The following PRH1 variants were observed in gnomAD, a reference collection of about 807,000 sequenced individuals.
PRH1 encodes salivary acidic proline-rich phosphoprotein 1/2.
PRH1 carries 7 observed loss-of-function variants against 7.9 expected under a neutral mutation model. The ratio of observed to expected loss-of-function variants is 0.89; its 90% CI spans 0.50 to 1.67. The LOEUF is 1.67. Ranked by LOEUF, PRH1 falls within the 40% of genes most tolerant of loss-of-function variation. The pLI, the probability that PRH1 is intolerant of heterozygous loss-of-function variation, is 0.00. For missense variants in PRH1, 109 were observed against 223.6 expected (o/e 0.49, Z 3.27); for synonymous variants, 45 against 80.8 (o/e 0.56, Z 2.38).
intron 1 of PRH1, among the ~76,000 whole-genome samples, chr12:11,038,544 GTAT>G (rs1287370280): frequency 4.6e-5 from 7 of 152,128 alleles, no homozygotes; most frequent in Non-Finnish European, 8.8e-5. Flanking sequence ...TCTCATATCT[GTAT>G]TATTATTTAT....
chr12:11,040,979 C>CTTTT, intron 1 of PRH1, among the ~76,000 whole-genome samples: 1 of 151,856 alleles, frequency 6.6e-6, no homozygotes, highest in East Asian at 1.9e-4. Flanking sequence ...AAGCAAGAAA[C>CTTTT]TATATCATAT....
chr12:11,116,145 G>A (rs1279328934), downstream of PRH1, among the ~76,000 whole-genome samples: 21 of 151,748 alleles, frequency 1.4e-4, no homozygotes, highest in Admixed American at 1.3e-3. Flanking sequence ...ATTGACAAAC[G>A]TTCAGGCCGA....
intron 2 of PRH1, among the ~76,000 whole-genome samples, chr12:10,890,290 T>C (rs138251162): frequency 2.2e-3 from 329 of 152,182 alleles, no homozygotes; most frequent in African/African-American, 7.5e-3. Flanking sequence ...TTTTAAGTAT[T>C]TAATATCACA....
rs1327302981 is a variant in PRH1 at position 11,085,568 on chromosome 12, TCTGA to T, written n.124-38384_124-38381del. 1.0e-4 allele frequency among the ~76,000 whole-genome samples: 12 copies of T among 116,518 alleles called. 3 individuals are homozygous for T. The allele number at this position is 116,518 out of a possible 152,430, so 76.4% of individuals were successfully genotyped here. On this transcript the variant is annotated intron_variant and non_coding_transcript_variant, in intron 1 of 4. Transcript: ENST00000541977. ...TAATGTTCTGGTTCCTTTTAAATTCTCTGACTAATGTCAAAACGGAAAGCACCGG... is the reference window on the plus strand; with the variant it reads ...TAATGTTCTGGTTCCTTTTAAATTCTCTAATGTCAAAACGGAAAGCACCGG...
chr12:11,148,394 T>C (rs1247827305), intron 1 of PRH1, among the ~76,000 whole-genome samples: 3 of 149,120 alleles, frequency 2.0e-5, no homozygotes, highest in African/African-American at 7.3e-5. Flanking sequence ...TTCCAGTTTT[T>C]GCCCATTCAG....
At chr12:10,929,367 C>T (rs1950169233) in intron 2 of PRH1, 2 of 1,613,840 alleles carry the variant, frequency 1.2e-6, no homozygotes, top group Middle Eastern at 1.7e-4. Context: ...GATATTGTGA[C>T]TCTGATTGGG....
chr12:11,014,990 A>T (rs1013533776), intron 1 of PRH1, among the ~76,000 whole-genome samples: 1 of 152,158 alleles, frequency 6.6e-6, no homozygotes, highest in African/African-American at 2.4e-5. Flanking sequence ...AGGCAATTTC[A>T]CAATAAGTAA....
At chr12:10,921,206 G>T (rs1478489260) in intron 2 of PRH1, among the ~76,000 whole-genome samples, 2 of 151,752 alleles carry the variant, frequency 1.3e-5, no homozygotes. Flanking sequence ...AAATAAATGA[G>T]AATAAAACAT....
chr12:11,072,897 C>T (rs1240878048), intron 1 of PRH1, among the ~76,000 whole-genome samples: 1 of 151,490 alleles, frequency 6.6e-6, no homozygotes, highest in East Asian at 1.9e-4. Flanking sequence ...CTTCTGCTCT[C>T]AGTTTAATTT....
chr12:10,924,686 A>G (rs927153225), intron 2 of PRH1, among the ~76,000 whole-genome samples: 3 of 152,096 alleles, frequency 2.0e-5, no homozygotes, highest in African/African-American at 7.2e-5. Context: ...AGAGCCTGTT[A>G]GTGGTATACT....
intron 2 of PRH1, among the ~76,000 whole-genome samples, chr12:10,910,941 G>T (rs1283221112): frequency 6.6e-6 from 1 of 152,002 alleles, no homozygotes; most frequent in South Asian, 2.1e-4. Context: ...TTAATGATTT[G>T]CAAGTTTCAA....
chr12:10,977,759 T>C (rs1283116605), intron 1 of PRH1, among the ~76,000 whole-genome samples: 1 of 151,852 alleles, frequency 6.6e-6, no homozygotes, highest in Non-Finnish European at 1.5e-5. Flanking sequence ...TTCCTATATA[T>C]CAACAACATC....
intron 2 of PRH1, 140 bp from the exon 3 acceptor site, chr12:10,882,838 T>A (rs1429266880): frequency 6.8e-7 from 1 of 1,467,880 alleles, no homozygotes; most frequent in Non-Finnish European, 9.1e-7. Context: ...TCCCAAGGCT[T>A]CCTAATTAGA....
chr12:11,168,269 AAAG>A (rs1565725411), intron 1 of PRH1, among the ~76,000 whole-genome samples: 506 of 48,334 alleles, frequency 0.01, 103 homozygotes, highest in Non-Finnish European at 0.018. Flanking sequence ...AGAAAGAAAG[AAAG>A]AAAGAAAGAA....
At chr12:10,966,020 C>A (rs1455631869) in intron 2 of PRH1, among the ~76,000 whole-genome samples, 1 of 152,172 alleles carries the variant, frequency 6.6e-6, no homozygotes, top group Admixed American at 6.5e-5. Context: ...TAGACAGACA[C>A]ACACACATAC....
At chr12:11,155,121 C>T (rs1185879262) in intron 1 of PRH1, among the ~76,000 whole-genome samples, 1 of 152,176 alleles carries the variant, frequency 6.6e-6, no homozygotes, top group African/African-American at 2.4e-5. Context: ...CTGCCAATCC[C>T]AGGCAGTAAC....
intron 1 of PRH1, among the ~76,000 whole-genome samples, chr12:10,883,705 T>C (rs1422753213): frequency 6.6e-6 from 1 of 152,216 alleles, no homozygotes; most frequent in Non-Finnish European, 1.5e-5. Flanking sequence ...TAACTCTATG[T>C]AGACAGAGAC....
At chr12:11,021,151 T>C (rs934736789) in intron 1 of PRH1, among the ~76,000 whole-genome samples, 5 of 89,318 alleles carry the variant, frequency 5.6e-5, no homozygotes, top group African/African-American at 1.7e-4. Flanking sequence ...ACAATTCTAT[T>C]TGCTTTCTAC....
intron 1 of PRH1, among the ~76,000 whole-genome samples, chr12:11,006,839 T>G (rs1940855196): frequency 6.6e-6 from 1 of 152,130 alleles, no homozygotes; most frequent in African/African-American, 2.4e-5. Context: ...ATGGAAAATT[T>G]TCTTATTCCC....
Sources: gnomAD v4.1 joint callset for allele counts (sites outside exome capture counted in the v4.1 genomes callset) on GRCh38, gnomAD v4.1.1 for gene constraint, MANE v1.5 for transcripts, NCBI Gene and HGNC (gene_info 2026-07-23, HGNC 2026-07-21) for gene names.